CSMD3: variants seen among roughly 807,000 people sequenced by gnomAD.
The protein encoded by CSMD3 is CUB and Sushi multiple domains 3, also known as CUB and sushi domain-containing protein 3.
In CSMD3, 177 loss-of-function variants were observed where a neutral mutation model predicts 435.2. That is an observed-to-expected ratio of 0.41 (90% CI 0.36 to 0.46). The LOEUF (loss-of-function observed/expected upper bound fraction) is 0.46, where lower values mean the gene tolerates loss of function less well. CSMD3 is among the 20% of genes least tolerant of loss of function. The pLI is 0.34. For synonymous variants in CSMD3, 1,656 were observed against 1,520.5 expected, an observed-to-expected ratio of 1.09 and a Z score of -2.07; for missense variants, 4,265 against 4,504.6, an observed-to-expected ratio of 0.95 and a Z score of 1.52.
At chr8:112,992,461 G>A (rs961254513) in intron 6 of CSMD3, among the ~76,000 whole-genome samples, 1 of 151,654 alleles carries the variant, frequency 6.6e-6, no homozygotes. Flanking sequence ...AGCCTAGTTC[G>A]CCTTGGTCTA....
chr8:113,219,309 T>C (rs2092941233), intron 3 of CSMD3, among the ~76,000 whole-genome samples: 1 of 151,222 alleles, frequency 6.6e-6, no homozygotes, highest in African/African-American at 2.4e-5. Flanking sequence ...GCAAATGACA[T>C]AGTAGTTTAC....
At chr8:112,477,225 C>T (rs530660834) in intron 31 of CSMD3, among the ~76,000 whole-genome samples, 1 of 152,136 alleles carries the variant, frequency 6.6e-6, no homozygotes, top group East Asian at 1.9e-4. Context: ...ATGGAAATTG[C>T]TTGTTCTTTG....
chr8:112,852,183 G>A (rs1245785361), intron 11 of CSMD3, among the ~76,000 whole-genome samples: 1 of 152,160 alleles, frequency 6.6e-6, no homozygotes. Context: ...GGACACATGG[G>A]TAGAAAACAG....
intron 3 of CSMD3, among the ~76,000 whole-genome samples, chr8:113,249,132 C>G (rs2093310076): frequency 6.6e-6 from 1 of 152,056 alleles, no homozygotes; most frequent in Non-Finnish European, 1.5e-5. Flanking sequence ...CCCTGCACAA[C>G]CTCTTTTGCC....
At chr8:113,088,796 C>A (rs2089899023) in intron 5 of CSMD3, among the ~76,000 whole-genome samples, 2 of 151,104 alleles carry the variant, frequency 1.3e-5, no homozygotes, top group African/African-American at 2.4e-5. Flanking sequence ...ACCAGTATGG[C>A]ACATGTATAC....
intron 6 of CSMD3, among the ~76,000 whole-genome samples, chr8:112,992,376 G>A (rs1259691019): frequency 6.6e-6 from 1 of 151,558 alleles, no homozygotes; most frequent in East Asian, 1.9e-4. Flanking sequence ...AAACATACAC[G>A]GTGATTTCAA....
At chr8:112,893,707 C>T (rs1040278087) in intron 10 of CSMD3, among the ~76,000 whole-genome samples, 5 of 151,398 alleles carry the variant, frequency 3.3e-5, no homozygotes, top group Non-Finnish European at 5.9e-5. Context: ...TGAGATAATA[C>T]GGTTTTATTT....
intron 32 of CSMD3, among the ~76,000 whole-genome samples, chr8:112,451,668 A>T (rs1232648353): frequency 6.6e-6 from 1 of 151,854 alleles, no homozygotes; most frequent in Non-Finnish European, 1.5e-5. Context: ...CCTCCCAAGT[A>T]CCTGGGATTA....
rs533377383 is a variant in CSMD3 at position 112,279,990 on chromosome 8, C to T, written c.9508+1184G>A. ...CTACAACTGATTTTCTCCAGGAATGCATGTATGCCATTATTTTGAGGGCAA... is the reference window on the plus strand; with the variant it reads ...CTACAACTGATTTTCTCCAGGAATGTATGTATGCCATTATTTTGAGGGCAA... On this transcript the variant is annotated intron_variant, in intron 59 of 70. Coordinates refer to ENST00000297405, the MANE Select transcript of CSMD3 (RefSeq NM_198123.2). Among the ~76,000 whole-genome samples, 29 of 152,144 alleles carry T rather than the reference C, an allele frequency of 1.9e-4. No homozygotes were observed. The South Asian group carries it at 5.4e-3, about 28-fold the overall frequency.
In CSMD3 at chr8:113,281,075, C is replaced by T. The variant is rs2093609747; in HGVS notation, c.402-2371G>A. 3.3e-5 allele frequency among the ~76,000 whole-genome samples: 5 copies of T among 151,676 alleles called. No homozygotes were observed. In the South Asian group the frequency reaches 1.0e-3, roughly 31 times the overall value. On this transcript the variant is annotated intron_variant, in intron 2 of 70. Coordinates refer to ENST00000297405, the MANE Select transcript of CSMD3 (RefSeq NM_198123.2). ...TTATTGAGGCTCGTTTTTGGCCTATCATGTAGTCTATCTACTGGTCTATCT... is the reference window on the plus strand; with the variant it reads ...TTATTGAGGCTCGTTTTTGGCCTATTATGTAGTCTATCTACTGGTCTATCT...
chr8:112,959,910 G>A (rs1177276826), intron 7 of CSMD3, among the ~76,000 whole-genome samples: 2 of 151,846 alleles, frequency 1.3e-5, no homozygotes, highest in African/African-American at 2.4e-5. Context: ...TGGATTAGGA[G>A]TTAGCAGACC....
intron 13 of CSMD3, among the ~76,000 whole-genome samples, chr8:112,739,414 C>G (rs1451407065): frequency 6.6e-6 from 1 of 151,688 alleles, no homozygotes; most frequent in East Asian, 1.9e-4. Context: ...CCTAGAGCAC[C>G]CTGCACTCTT....
chr8:113,194,374 A>G (rs2092626938), intron 3 of CSMD3, among the ~76,000 whole-genome samples: 1 of 151,320 alleles, frequency 6.6e-6, no homozygotes, highest in Non-Finnish European at 1.5e-5. Flanking sequence ...CAACAAACAA[A>G]TAAGTGAAGT....
At chr8:112,831,718 T>C (rs1163650432) in intron 11 of CSMD3, among the ~76,000 whole-genome samples, 1 of 152,204 alleles carries the variant, frequency 6.6e-6, no homozygotes, top group Admixed American at 6.5e-5. Context: ...GCAAGAATTC[T>C]TTATATTGGT....
At chr8:112,264,131 G>T (rs1007101824) in intron 60 of CSMD3, among the ~76,000 whole-genome samples, 4 of 151,902 alleles carry the variant, frequency 2.6e-5, no homozygotes, top group Non-Finnish European at 4.4e-5. Flanking sequence ...ATAAATTATT[G>T]GTTTTATATA....
At chr8:112,813,971 CA>C (rs2079300547) in intron 12 of CSMD3, among the ~76,000 whole-genome samples, 1 of 152,200 alleles carries the variant, frequency 6.6e-6, no homozygotes, top group Non-Finnish European at 1.5e-5. Context: ...TCCCAGTGCA[CA>C]AGCCAGTTGG....
chr8:112,379,951 C>T (rs532300961), intron 38 of CSMD3, among the ~76,000 whole-genome samples: 1 of 152,172 alleles, frequency 6.6e-6, no homozygotes, highest in African/African-American at 2.4e-5. Context: ...TGGAGTAGAA[C>T]AGTGGTTGTC....
intron 38 of CSMD3, among the ~76,000 whole-genome samples, chr8:112,361,429 T>G (rs1170686308): frequency 4.0e-5 from 6 of 151,540 alleles, no homozygotes; most frequent in African/African-American, 1.2e-4. Flanking sequence ...TATTTATTTA[T>G]AATCAAAACG....
intron 5 of CSMD3, among the ~76,000 whole-genome samples, chr8:113,050,600 A>C (rs2088043977): frequency 6.6e-6 from 1 of 152,098 alleles, no homozygotes; most frequent in Non-Finnish European, 1.5e-5. Context: ...GCTTTACAGA[A>C]TAGTACAGAA....
Sources: allele counts gnomAD v4.1 joint callset (sites outside exome capture counted in the v4.1 genomes callset), GRCh38; gene constraint gnomAD v4.1.1; transcripts MANE v1.5; gene names NCBI Gene and HGNC (gene_info 2026-07-23, HGNC 2026-07-21).